Variants in HSD17B12 observed in about 807,000 individuals in gnomAD.
HSD17B12 encodes the protein hydroxysteroid 17-beta dehydrogenase 12.
In HSD17B12, 32 loss-of-function variants were observed where a neutral mutation model predicts 39.3. That is an observed-to-expected ratio of 0.81 (90% CI 0.61 to 1.09). The LOEUF is 1.09. HSD17B12 is among the 50% of genes least tolerant of loss of function. The pLI is 0.00. For missense variants in HSD17B12, 342 were observed against 382.9 expected (o/e 0.89, Z 0.89); for synonymous variants, 150 against 146.7 (o/e 1.02, Z -0.16).
At chr11:43,825,764 A>G (rs1332499427) in intron 6 of HSD17B12, among the ~76,000 whole-genome samples, 1 of 152,238 alleles carries the variant, frequency 6.6e-6, no homozygotes, top group Non-Finnish European at 1.5e-5. Context: ...CATAACTACA[A>G]AATGATGGTT....
chr11:43,680,756 G>C lies in HSD17B12; in HGVS notation c.-72G>C. The stretch of plus-strand genomic sequence containing the variant: ...TATTAGTGTCATCCTCACCGTCACG[G>C]CCGGCGCCTCCTCCTGGATTCATTC... On this transcript the variant is annotated 5_prime_UTR_variant, in exon 1 of 11. Transcript: ENST00000278353. The C allele has an allele frequency of 7.2e-7, 1 of 1,391,938 alleles. No homozygotes were observed. Among genetic ancestry groups the C allele is most frequent in the East Asian group, 2.3e-5 (1 of 43,374 alleles). 86.2% of individuals were successfully genotyped at this position (1,391,938 alleles called of 1,614,324 possible).
At chr11:43,802,852 TC>T (rs1227414337) in intron 4 of HSD17B12, among the ~76,000 whole-genome samples, 1 of 152,218 alleles carries the variant, frequency 6.6e-6, no homozygotes, top group Non-Finnish European at 1.5e-5. Flanking sequence ...CTTAAACAGT[TC>T]AGATACTCAC....
At chr11:43,658,676 TG>T in the HSD17B12 span, among the ~76,000 whole-genome samples, 1 of 152,248 alleles carries the variant, frequency 6.6e-6, no homozygotes, top group Non-Finnish European at 1.5e-5. Flanking sequence ...CCTGTTTTCC[TG>T]GGTGTCAGCA....
At chr11:43,582,408 C>A in the HSD17B12 span, among the ~76,000 whole-genome samples, 1 of 152,308 alleles carries the variant, frequency 6.6e-6, no homozygotes, top group East Asian at 1.9e-4. Context: ...CTGACCACTT[C>A]GGTCACAAGT....
chr11:43,778,083 G>T (rs1301398882), intron 3 of HSD17B12, among the ~76,000 whole-genome samples: 1 of 151,930 alleles, frequency 6.6e-6, no homozygotes, highest in African/African-American at 2.4e-5. Context: ...TTGATAAACC[G>T]CTAGCAAGAC....
chr11:43,626,903 A>G, the HSD17B12 span, among the ~76,000 whole-genome samples: 1 of 152,034 alleles, frequency 6.6e-6, no homozygotes, highest in African/African-American at 2.4e-5. Context: ...TAGAACCTTC[A>G]AACTGATAGC....
At chr11:43,665,359 C>G in the HSD17B12 span, among the ~76,000 whole-genome samples, 1 of 152,152 alleles carries the variant, frequency 6.6e-6, no homozygotes, top group African/African-American at 2.4e-5. Flanking sequence ...GCTGGGACTG[C>G]AGGCATGCGC....
At chr11:43,694,550 T>C (rs1006968622) in intron 1 of HSD17B12, among the ~76,000 whole-genome samples, 1 of 151,636 alleles carries the variant, frequency 6.6e-6, no homozygotes, top group Non-Finnish European at 1.5e-5. Context: ...GAGCCAGGCA[T>C]GGTGGTACAT....
At chr11:43,664,148 C>T in the HSD17B12 span, among the ~76,000 whole-genome samples, 1 of 151,930 alleles carries the variant, frequency 6.6e-6, no homozygotes, top group Non-Finnish European at 1.5e-5. Context: ...TATGCCCGGC[C>T]CAGGTAAGGG....
chr11:43,606,405 G>A, the HSD17B12 span, among the ~76,000 whole-genome samples: 9 of 152,234 alleles, frequency 5.9e-5, no homozygotes, highest in Admixed American at 3.3e-4. Context: ...AAGTGGAGTC[G>A]GTGATTACTA....
intron 9 of HSD17B12, among the ~76,000 whole-genome samples, chr11:43,850,505 C>A (rs997907017): frequency 1.3e-5 from 2 of 152,056 alleles, no homozygotes; most frequent in African/African-American, 4.8e-5. Context: ...CTTCATTTTC[C>A]CAGGTCATTG....
chr11:43,573,332 G>A, the HSD17B12 span, among the ~76,000 whole-genome samples: 1 of 152,194 alleles, frequency 6.6e-6, no homozygotes, highest in Non-Finnish European at 1.5e-5. Context: ...CTGAGGAGTA[G>A]GGGAAATGGA....
the HSD17B12 span, among the ~76,000 whole-genome samples, chr11:43,602,288 C>T: frequency 1.3e-5 from 2 of 152,222 alleles, no homozygotes; most frequent in African/African-American, 4.8e-5. Flanking sequence ...TTCTACCCCA[C>T]CCCACGTTCC....
chr11:43,735,915 GA>G (rs1407173514), intron 1 of HSD17B12, among the ~76,000 whole-genome samples: 2 of 152,130 alleles, frequency 1.3e-5, no homozygotes, highest in Non-Finnish European at 2.9e-5. Flanking sequence ...TAAACCATCA[GA>G]CCTCCTGATA....
chr11:43,652,056 C>G, the HSD17B12 span, among the ~76,000 whole-genome samples: 1 of 152,138 alleles, frequency 6.6e-6, no homozygotes, highest in Admixed American at 6.5e-5. Context: ...AAAATTTCAA[C>G]TCTTCAAATG....
At chr11:43,793,770 G>A (rs1030260571) in intron 3 of HSD17B12, among the ~76,000 whole-genome samples, 2 of 152,188 alleles carry the variant, frequency 1.3e-5, no homozygotes, top group East Asian at 3.8e-4. Context: ...ACTCTGTGTC[G>A]TAAACAGCAG....
chr11:43,625,942 T>C, the HSD17B12 span, among the ~76,000 whole-genome samples: 86 of 139,380 alleles, frequency 6.2e-4, no homozygotes, highest in African/African-American at 2.2e-3. Flanking sequence ...TGTAAACATT[T>C]AAAACTCTTC....
intron 1 of HSD17B12, among the ~76,000 whole-genome samples, chr11:43,688,067 C>T (rs1949818295): frequency 6.6e-6 from 1 of 152,026 alleles, no homozygotes; most frequent in Non-Finnish European, 1.5e-5. Flanking sequence ...CAAAAATTAG[C>T]CAAGTGTGGT....
rs1363611211 is a variant in HSD17B12, at chr11:43,815,463, T to A, written c.418T>A (p.Tyr140Asn). The change falls in exon 5 of 11, where the codon TAT (tyrosine) becomes AAT (asparagine). Residue 140 changes from tyrosine (Y) to asparagine (N), a missense_variant. Coordinates refer to ENST00000278353, the MANE Select transcript of HSD17B12 (RefSeq NM_016142.3). The part of the protein sequence containing the change: ...LVNNVGMSYE[Y>N]PEYFLDVPDL... ...GAACAACGTGGGAATGTCGTATGAG[T>A]ATCCTGAATACTTTTTGGATGTTCC... The A allele has an allele frequency of 1.3e-6, 2 of 1,581,438 alleles. No homozygotes were observed. The highest frequency in any genetic ancestry group is 1.7e-6 in the Non-Finnish European group (2 of 1,157,048).
Sources: allele counts gnomAD v4.1 joint callset (sites outside exome capture counted in the v4.1 genomes callset), GRCh38; gene constraint gnomAD v4.1.1; transcripts MANE v1.5; gene names NCBI Gene and HGNC (gene_info 2026-07-23, HGNC 2026-07-21).